The following VPS53 variants were observed in gnomAD, a reference collection of about 807,000 sequenced individuals.
VPS53 encodes vacuolar protein sorting-associated protein 53 homolog.
VPS53 carries 70 observed loss-of-function variants against 107.0 expected under a neutral mutation model. That is an observed-to-expected ratio of 0.65 (90% confidence interval 0.54 to 0.80). The LOEUF is 0.80. VPS53 is among the 30% of genes least tolerant of loss of function. The probability of loss-of-function intolerance (pLI) is 0.00; values close to 1 mark genes in which losing one functional copy is unlikely to be tolerated. For missense variants in VPS53, 917 were observed against 1,049.4 expected (o/e 0.87, Z 1.74); for synonymous variants, 409 against 393.3 (o/e 1.04, Z -0.47).
rs1236886948 is a variant in VPS53, at chr17:605,044, G to A, written c.1117-3148C>T. Among the ~76,000 whole-genome samples, 4 of 152,096 alleles carry A rather than the reference G, an allele frequency of 2.6e-5. No homozygotes were observed. In the South Asian group the frequency reaches 6.2e-4, roughly 24 times the overall value. ...TCATGGAAACGTGCAACAGAGGGCC[G>A]CAGCCGTCCCTAAAGAAAAGATGTC... On this transcript the variant is annotated intron_variant, in intron 11 of 21. Coordinates refer to ENST00000437048, the MANE Select transcript of VPS53 (RefSeq NM_001128159.3).
At chr17:627,138 G>A (rs1249535716) in intron 10 of VPS53, 36 bp downstream of exon 10, 4 of 1,586,550 alleles carry the variant, frequency 2.5e-6, no homozygotes, top group Admixed American at 3.6e-5. Context: ...GTGAAAATTT[G>A]ATTAACCACA....
intron 20 of VPS53, 139 bp downstream of exon 20, chr17:521,462 C>A (rs773342449): frequency 1.7e-5 from 17 of 1,024,028 alleles, no homozygotes; most frequent in Non-Finnish European, 2.2e-5. Flanking sequence ...CTGATGAGGC[C>A]AAAATCCAGT....
At chr17:582,544 A>G (rs771973317) in intron 13 of VPS53, among the ~76,000 whole-genome samples, 1 of 148,648 alleles carries the variant, frequency 6.7e-6, no homozygotes, top group East Asian at 2.3e-4. Flanking sequence ...CAGAAGCTCA[A>G]TGCGTTCCCA....
chr17:530,715 A>C (rs754063175), intron 19 of VPS53, among the ~76,000 whole-genome samples: 2 of 152,210 alleles, frequency 1.3e-5, no homozygotes, highest in Non-Finnish European at 2.9e-5. Flanking sequence ...GAACGCAGTC[A>C]TAAGAATAAT....
chr17:635,544 T>A (rs1040051364), intron 7 of VPS53, among the ~76,000 whole-genome samples: 1 of 152,230 alleles, frequency 6.6e-6, no homozygotes, highest in Non-Finnish European at 1.5e-5. Flanking sequence ...AACATTTAAG[T>A]CTTTAATCCA....
chr17:697,391 G>A (rs1402010654), intron 4 of VPS53, 27 bp downstream of exon 4: 2 of 1,598,538 alleles, frequency 1.3e-6, no homozygotes, highest in East Asian at 2.2e-5. Context: ...GGGGAGCATA[G>A]GTAATATGGA....
Position 571,530 on chromosome 17 carries a change from A to ACGGTCTCCCTCTCCCCCTCCCTG in VPS53, c.1314-8786_1314-8785insCAGGGAGGGGGAGAGGGAGACCG, listed in dbSNP as rs1434049308. Among the ~76,000 whole-genome samples, 3 of 133,592 alleles carry ACGGTCTCCCTCTCCCCCTCCCTG rather than the reference A, an allele frequency of 2.2e-5. No individual in the cohort carries two copies. In the South Asian group the frequency reaches 6.6e-4, roughly 29 times the overall value. The allele number at this position is 133,592 out of a possible 152,430, so 87.6% of individuals were successfully genotyped here. ...CTACAGTCTCCCTCTCCCTCTCCCT[A>ACGGTCTCCCTCTCCCCCTCCCTG]CGGTCTCCCTCTCCCCACGGTCTCC... On this transcript the variant is annotated intron_variant, in intron 13 of 21. Coordinates refer to ENST00000437048, the MANE Select transcript of VPS53 (RefSeq NM_001128159.3).
At chr17:590,369 T>G (rs370084607) in intron 12 of VPS53, among the ~76,000 whole-genome samples, 3 of 152,038 alleles carry the variant, frequency 2.0e-5, no homozygotes, top group Non-Finnish European at 4.4e-5. Flanking sequence ...TACCCTTTAT[T>G]TCCTTCTCCT....
chr17:623,596 TG>T lies in VPS53; in HGVS notation c.1052del (p.Thr351LysfsTer17). On this transcript the variant is annotated frameshift_variant, in exon 11 of 22. Coordinates refer to ENST00000437048, the MANE Select transcript of VPS53 (RefSeq NM_001128159.3). LOFTEE classifies it high-confidence loss of function. ...TTGCAAGAAACCCCTCAAAGTTAGT[TG>T]TTCTTTGAATAGCAAAAAGAAGCAA... ...VKLLLFAIQR[T>X]TNFEGFLAKR... 6.2e-7 allele frequency: 1 copy of T among 1,614,056 alleles called. No homozygotes were observed. Among genetic ancestry groups the T allele is most frequent in the Non-Finnish European group, 8.5e-7 (1 of 1,179,938 alleles).
intron 7 of VPS53, 98 bp downstream of exon 7, chr17:653,193 G>A (rs1342760252): frequency 1.9e-6 from 3 of 1,558,352 alleles, no homozygotes; most frequent in Middle Eastern, 2.0e-4. Context: ...CCGGATCTGC[G>A]GAATCCCCAT....
Position 519,184 on chromosome 17 carries a change from C to T in VPS53, c.2443G>A (p.Glu815Lys). Residue 815 changes from glutamate (E) to lysine (K), a missense_variant, in exon 22 of 22, where the codon GAG becomes AAG. Glu to Lys is a moderately conservative substitution (Grantham distance 56). Transcript: ENST00000437048. This position sits in a 1 kb window ranked among gnomAD's most constrained non-coding sequence, Gnocchi z 5.0. ...GSLSLTAPTP[E>K]QESSRIRKLE... Reference sequence around the variant, plus strand: ...TTGCGGATGCGTGACGACTCTTGCTCTGGTGTTGGCGCCGTCAGGGACAGT... The same window carrying T: ...TTGCGGATGCGTGACGACTCTTGCTTTGGTGTTGGCGCCGTCAGGGACAGT... 1 of 1,548,740 alleles carries T rather than the reference C, an allele frequency of 6.5e-7. No homozygotes were observed. Among genetic ancestry groups the T allele is most frequent in the African/African-American group, 1.4e-5 (1 of 72,952 alleles).
chr17:581,466 C>G (rs1967014021), intron 13 of VPS53, among the ~76,000 whole-genome samples: 1 of 151,550 alleles, frequency 6.6e-6, no homozygotes, highest in South Asian at 2.1e-4. Flanking sequence ...CCCTGAGAAT[C>G]TCCCTCAGAA....
At chr17:542,519 C>T (rs746234464) in intron 17 of VPS53, among the ~76,000 whole-genome samples, 5 of 152,120 alleles carry the variant, frequency 3.3e-5, no homozygotes, top group Non-Finnish European at 7.3e-5. Flanking sequence ...CACAGTGTCT[C>T]GCAGCACGTA....
At position 558,821 on chromosome 17, in the gene VPS53, TAAAAAAA is replaced by T. The variant is rs35915328; in HGVS notation, c.1704+1598_1704+1604del. 2.2e-5 allele frequency among the ~76,000 whole-genome samples: 3 copies of T among 135,068 alleles called. No homozygotes were observed. In the South Asian group the frequency reaches 7.0e-4, roughly 32 times the overall value. 88.6% of individuals were successfully genotyped at this position (135,068 alleles called of 152,430 possible). A position where few individuals can be genotyped will look rare whatever the true frequency, so the allele number is the denominator to read the frequency against. ...CAAGATGGTGAAACCCCATCTCTAC[TAAAAAAA>T]AAAAAAAAATACAAAAATTAGCCGG... is the stretch of plus-strand genomic sequence containing the variant. On this transcript the variant is annotated intron_variant, in intron 15 of 21. Transcript: ENST00000437048.
At chr17:579,035 C>T (rs1188037580) in intron 13 of VPS53, among the ~76,000 whole-genome samples, 1 of 150,966 alleles carries the variant, frequency 6.6e-6, no homozygotes, top group African/African-American at 2.4e-5. Flanking sequence ...TCCCTCAGGA[C>T]CTAATGCGGT....
intron 20 of VPS53, among the ~76,000 whole-genome samples, chr17:521,323 A>G (rs1178807496): frequency 6.6e-6 from 1 of 152,230 alleles, no homozygotes; most frequent in Non-Finnish European, 1.5e-5. Flanking sequence ...ACACTGATTC[A>G]CAGTGGCAAC....
chr17:710,480 C>A, intron 2 of VPS53, 53 bp downstream of exon 2: 2 of 1,423,514 alleles, frequency 1.4e-6, no homozygotes, highest in South Asian at 1.2e-5. Flanking sequence ...AAGCATAACA[C>A]CCAAGATGTG....
At chr17:635,795 T>C (rs1457653115) in intron 7 of VPS53, among the ~76,000 whole-genome samples, 3 of 152,262 alleles carry the variant, frequency 2.0e-5, no homozygotes, top group Admixed American at 1.3e-4. Flanking sequence ...TTTTGGTTAC[T>C]ATAGCCTTGT....
intron 12 of VPS53, chr17:601,108 T>C (rs1178329340): frequency 1.3e-5 from 2 of 152,106 alleles, no homozygotes; most frequent in African/African-American, 4.8e-5. Flanking sequence ...AAAATAATCC[T>C]CCAGCAGCCA....
Sources: gnomAD v4.1 joint callset for allele counts (sites outside exome capture counted in the v4.1 genomes callset) on GRCh38, gnomAD v4.1.1 for gene constraint, Gnocchi (gnomAD v3.1) non-coding constraint, MANE v1.5 for transcripts, NCBI Gene and HGNC (gene_info 2026-07-23, HGNC 2026-07-21) for gene names.